Variants in PAICS observed in about 807,000 individuals in gnomAD.
PAICS encodes phosphoribosylaminoimidazole carboxylase and phosphoribosylaminoimidazolesuccinocarboxamide synthase, also known as bifunctional phosphoribosylaminoimidazole carboxylase/phosphoribosylaminoimidazole succinocarboxamide synthetase.
PAICS carries 33 observed loss-of-function variants against 53.7 expected under a neutral mutation model. The ratio of observed to expected loss-of-function variants is 0.61; its 90% CI spans 0.47 to 0.82. The LOEUF is 0.82. PAICS is among the 40% of genes least tolerant of loss of function. The pLI is 0.00. For missense variants in PAICS, 394 were observed against 494.1 expected (o/e 0.80, Z 1.92); for synonymous variants, 141 against 167.2 (o/e 0.84, Z 1.21).
upstream of PAICS, among the ~76,000 whole-genome samples, chr4:56,433,642 C>T (rs1432380313): frequency 6.6e-6 from 1 of 151,912 alleles, no homozygotes; most frequent in African/African-American, 2.4e-5. Flanking sequence ...ACCAGGCAAC[C>T]CTAAAGACCT....
At chr4:56,434,305 T>G (rs917732986), upstream of PAICS, among the ~76,000 whole-genome samples, 3 of 152,216 alleles carry the variant, frequency 2.0e-5, no homozygotes, top group African/African-American at 7.2e-5. Flanking sequence ...GAAAAGCTAA[T>G]CTTTTGGAAT....
chr4:56,423,517 G>A, the PAICS span: 2 of 151,872 alleles, frequency 1.3e-5, no homozygotes, highest in African/African-American at 4.8e-5. Context: ...TGTTTAATAA[G>A]GAAAAAAGAT....
At chr4:56,429,746 C>T in the PAICS span, among the ~76,000 whole-genome samples, 1 of 152,174 alleles carries the variant, frequency 6.6e-6, no homozygotes, top group Non-Finnish European at 1.5e-5. Context: ...CCATTCAGGA[C>T]ATAAAACTTA....
chr4:56,436,012 G>C (rs1717912499), upstream of PAICS: 3 of 1,528,064 alleles, frequency 2.0e-6, no homozygotes, highest in Non-Finnish European at 1.8e-6. Flanking sequence ...GGGGCCGCCA[G>C]TGCGCGCCAC....
At chr4:56,449,869 G>A (rs569474898) in intron 5 of PAICS, among the ~76,000 whole-genome samples, 109 of 151,434 alleles carry the variant, frequency 7.2e-4, no homozygotes, top group African/African-American at 2.4e-3. Context: ...CCAGCTTCTC[G>A]GAAGGCTGAG....
chr4:56,446,594 G>T, intron 2 of PAICS, 101 bp from the exon 3 acceptor site: 2 of 696,844 alleles, frequency 2.9e-6, no homozygotes, highest in Non-Finnish European at 2.4e-6. Context: ...TTTGATAGAG[G>T]TTCTTTGTTG....
upstream of PAICS, chr4:56,435,389 G>A (rs1717852656): frequency 6.2e-7 from 1 of 1,613,544 alleles, no homozygotes; most frequent in African/African-American, 1.3e-5. Flanking sequence ...GATCACATGC[G>A]GTACATCCAG....
chr4:56,457,780 G>C (rs534481436), intron 8 of PAICS, among the ~76,000 whole-genome samples: 3 of 151,312 alleles, frequency 2.0e-5, no homozygotes, highest in Admixed American at 6.6e-5. Context: ...CTCCCAAGTA[G>C]CTGAAATCAC....
the PAICS span, chr4:56,419,973 T>C: frequency 3.0e-6 from 3 of 984,924 alleles, no homozygotes; most frequent in Non-Finnish European, 3.6e-6. Flanking sequence ...AACAGAAAAA[T>C]CACGAGACCA....
chr4:56,427,737 T>C, the PAICS span, among the ~76,000 whole-genome samples: 4 of 152,156 alleles, frequency 2.6e-5, no homozygotes, highest in African/African-American at 7.2e-5. Context: ...TTAGAAAGCA[T>C]TGTGGAGTAT....
At chr4:56,417,952 G>C in the PAICS span, among the ~76,000 whole-genome samples, 3 of 150,184 alleles carry the variant, frequency 2.0e-5, no homozygotes, top group Admixed American at 6.7e-5. Context: ...CGATTCTCCT[G>C]CCTCAGCCTC....
rs1479832664 is a variant in PAICS, at chr4:56,463,658, A to C, written c.*4120A>C. On this transcript the variant is annotated 3_prime_UTR_variant, in exon 9 of 9. Transcript: ENST00000512576. ...TGGTGAGCTGAGATCGAACCATTGCACTCCAGCCTGGGCAACAAGAGCGAA... is the reference window on the plus strand; with the variant it reads ...TGGTGAGCTGAGATCGAACCATTGCCCTCCAGCCTGGGCAACAAGAGCGAA... The C allele has an allele frequency of 2.0e-5, 3 of 147,970 alleles. No homozygotes were observed. The highest frequency in any genetic ancestry group is 5.0e-5 in the African/African-American group (2 of 39,652). The allele number at this position is 147,970 out of a possible 1,614,324, so 9.2% of individuals were successfully genotyped here.
rs546112660 is a variant in PAICS at position 56,464,092 on chromosome 4, C to T, written c.*4554C>T. Reference sequence around the variant, plus strand: ...TTGCCTCCCCTGATTCTCAAGCCCTCGGGTTTGGAACTACACTGGCTTTCC... The same window carrying T: ...TTGCCTCCCCTGATTCTCAAGCCCTTGGGTTTGGAACTACACTGGCTTTCC... On this transcript the variant is annotated 3_prime_UTR_variant, in exon 9 of 9. Coordinates refer to ENST00000512576, the MANE Select transcript of PAICS (RefSeq NM_001079524.2). The T allele has an allele frequency of 3.3e-5, 5 of 152,340 alleles. No individual in the cohort carries two copies. Among genetic ancestry groups the T allele is most frequent in the Admixed American group, 2.6e-4 (4 of 15,308 alleles). 9.4% of individuals were successfully genotyped at this position (152,340 alleles called of 1,614,324 possible). A position where few individuals can be genotyped will look rare whatever the true frequency, so the allele number is the denominator to read the frequency against.
chr4:56,431,217 T>G (rs1178426613), upstream of PAICS, among the ~76,000 whole-genome samples: 1 of 152,154 alleles, frequency 6.6e-6, no homozygotes, highest in Non-Finnish European at 1.5e-5. Flanking sequence ...TCATTTTCAG[T>G]CAAATATGAA....
intron 2 of PAICS, 121 bp from the exon 3 acceptor site, chr4:56,446,574 T>TA: frequency 1.5e-6 from 1 of 651,146 alleles, no homozygotes; most frequent in Non-Finnish European, 2.7e-6. Flanking sequence ...AGAGAAAAAT[T>TA]ACACTTATTT....
At chr4:56,447,708 A>C (rs1033317133) in intron 3 of PAICS, among the ~76,000 whole-genome samples, 4 of 152,206 alleles carry the variant, frequency 2.6e-5, no homozygotes, top group African/African-American at 9.6e-5. Context: ...AATTCTTTGA[A>C]ATACTTTGTG....
the PAICS span, among the ~76,000 whole-genome samples, chr4:56,423,927 T>C: frequency 0.027 from 4,080 of 152,274 alleles, 202 homozygotes; most frequent in African/African-American, 0.092. Flanking sequence ...AGGAAGAATG[T>C]AATAGAACGT....
chr4:56,451,843 C>T, intron 6 of PAICS, 29 bp from the exon 7 acceptor site: 1 of 1,430,776 alleles, frequency 7.0e-7, no homozygotes, highest in Non-Finnish European at 9.3e-7. Flanking sequence ...TTTTTATGTT[C>T]TTTTCATATC....
At chr4:56,439,586 A>G (rs1302440526) in intron 1 of PAICS, among the ~76,000 whole-genome samples, 1 of 152,044 alleles carries the variant, frequency 6.6e-6, no homozygotes, top group Non-Finnish European at 1.5e-5. Flanking sequence ...TGAATTCTCA[A>G]AGCTACTATC....
Sources: gnomAD v4.1 joint callset for allele counts (sites outside exome capture counted in the v4.1 genomes callset) on GRCh38, gnomAD v4.1.1 for gene constraint, MANE v1.5 for transcripts, NCBI Gene and HGNC (gene_info 2026-07-23, HGNC 2026-07-21) for gene names.